Variants in APBA1 observed in about 807,000 individuals in gnomAD.
The protein encoded by APBA1 is amyloid beta precursor protein binding family A member 1.
APBA1 carries 55 observed loss-of-function variants against 86.6 expected under a neutral mutation model. That is an observed-to-expected ratio of 0.64 (90% CI 0.51 to 0.80). The LOEUF is 0.80. Among genes scored for constraint, APBA1 ranks in the 30% least tolerant of loss-of-function variants. The pLI is 0.00. For synonymous variants in APBA1, 511 were observed against 493.9 expected (o/e 1.03, Z -0.46); for missense variants, 1,090 against 1,183.0 (o/e 0.92, Z 1.15).
At chr9:69,451,008 G>C (rs1051854967) in intron 9 of APBA1, among the ~76,000 whole-genome samples, 1 of 152,182 alleles carries the variant, frequency 6.6e-6, no homozygotes, top group Non-Finnish European at 1.5e-5. Context: ...CAAGGTCTGT[G>C]AGACAATAGG....
intron 1 of APBA1, among the ~76,000 whole-genome samples, chr9:69,599,707 C>A (rs575815892): frequency 3.9e-5 from 6 of 152,282 alleles, no homozygotes; most frequent in African/African-American, 1.4e-4. Flanking sequence ...AGTGTGAATT[C>A]TCAGACACTA....
intron 1 of APBA1, among the ~76,000 whole-genome samples, chr9:69,636,890 A>AAG (rs1823180588): frequency 8.5e-5 from 2 of 23,538 alleles, no homozygotes; most frequent in African/African-American, 2.4e-4. Context: ...AAGGAAGGAA[A>AAG]GAAGGAAGGA....
At chr9:69,622,171 T>C (rs1431197196) in intron 1 of APBA1, among the ~76,000 whole-genome samples, 1 of 152,142 alleles carries the variant, frequency 6.6e-6, no homozygotes, top group Non-Finnish European at 1.5e-5. Context: ...ATGGATTAAA[T>C]CCATTCTCCT....
intron 1 of APBA1, among the ~76,000 whole-genome samples, chr9:69,542,778 G>A (rs2133919751): frequency 6.6e-6 from 1 of 152,322 alleles, no homozygotes; most frequent in South Asian, 2.1e-4. Flanking sequence ...GTGTCCAAGT[G>A]TGGGTGATAA....
intron 10 of APBA1, among the ~76,000 whole-genome samples, chr9:69,443,568 G>A (rs1198627803): frequency 6.6e-6 from 1 of 152,166 alleles, no homozygotes; most frequent in Non-Finnish European, 1.5e-5. Flanking sequence ...AACCCACCCT[G>A]ATGATGAAAC....
In APBA1 at chr9:69,645,146, G is replaced by C. The variant is rs150658987; in HGVS notation, c.-70+27007C>G. Reference sequence around the variant, plus strand: ...ACAGTTTAAGATCGATGTTGGAAGGGAAAGGAGATACTGAGAAATTAGTCG... The same window carrying C: ...ACAGTTTAAGATCGATGTTGGAAGGCAAAGGAGATACTGAGAAATTAGTCG... On this transcript the variant is annotated intron_variant, in intron 1 of 12. Transcript: ENST00000265381. Among the ~76,000 whole-genome samples the C allele has an allele frequency of 2.2e-3, 331 of 152,232 alleles. 1 individual carries two copies. The highest frequency in any genetic ancestry group is 7.5e-3 in the African/African-American group (310 of 41,536).
intron 2 of APBA1, among the ~76,000 whole-genome samples, chr9:69,495,607 G>T (rs139096274): frequency 1.1e-4 from 16 of 152,130 alleles, no homozygotes; most frequent in Middle Eastern, 3.4e-3. Flanking sequence ...GTCACTGCTG[G>T]GCATCAGCAG....
chr9:69,533,460 C>A (rs1295867175), intron 1 of APBA1, among the ~76,000 whole-genome samples: 1 of 152,076 alleles, frequency 6.6e-6, no homozygotes, highest in Non-Finnish European at 1.5e-5. Context: ...ATTTACCTTC[C>A]TGTCTTGCTG....
intron 8 of APBA1, 137 bp downstream of exon 8, chr9:69,456,110 C>T (rs1250884812): frequency 1.0e-6 from 1 of 984,836 alleles, no homozygotes; most frequent in African/African-American, 1.6e-5. Flanking sequence ...CCTTATATCT[C>T]TAGTGCTGGA....
At chr9:69,456,645 T>C (rs986750752) in intron 7 of APBA1, among the ~76,000 whole-genome samples, 1 of 150,372 alleles carries the variant, frequency 6.7e-6, no homozygotes, top group South Asian at 2.1e-4. Flanking sequence ...CTGTGGCAGG[T>C]GAAAAGAAAT....
intron 9 of APBA1, among the ~76,000 whole-genome samples, chr9:69,450,185 C>T (rs2133806997): frequency 6.6e-6 from 1 of 151,678 alleles, no homozygotes; most frequent in Non-Finnish European, 1.5e-5. Flanking sequence ...GCGCAGGTTC[C>T]CCCTCCCACA....
chr9:69,581,055 A>G lies in APBA1; in HGVS notation c.-69-63776T>C, dbSNP rs112610325. ...GGGACACAGATCAAAGATGGCCCCAATCAGAGATACCATGGATACACCCCA... is the reference window on the plus strand; with the variant it reads ...GGGACACAGATCAAAGATGGCCCCAGTCAGAGATACCATGGATACACCCCA... On this transcript the variant is annotated intron_variant, in intron 1 of 12. Coordinates refer to ENST00000265381, the MANE Select transcript of APBA1 (RefSeq NM_001163.4). 1.8e-3 allele frequency among the ~76,000 whole-genome samples: 278 copies of G among 152,242 alleles called. 1 individual carries two copies. Among genetic ancestry groups the G allele is most frequent in the South Asian group, 0.013 (61 of 4,808 alleles).
chr9:69,532,788 G>A (rs140177943), intron 1 of APBA1, among the ~76,000 whole-genome samples: 2 of 152,288 alleles, frequency 1.3e-5, no homozygotes, highest in Non-Finnish European at 2.9e-5. Context: ...AAGTAGTCAA[G>A]CTGTTTGCAG....
chr9:69,436,020 AT>A (rs1834711018), intron 11 of APBA1, among the ~76,000 whole-genome samples: 1 of 151,612 alleles, frequency 6.6e-6, no homozygotes, highest in South Asian at 2.1e-4. Context: ...TCCCAGCACC[AT>A]TTATTAAATA....
chr9:69,446,863 C>T (rs548084203), intron 10 of APBA1, among the ~76,000 whole-genome samples: 44 of 152,324 alleles, frequency 2.9e-4, no homozygotes, highest in African/African-American at 7.9e-4. Flanking sequence ...TCAGGAAGCG[C>T]GGCTTGTTCC....
chr9:69,431,159 AAAG>A lies in APBA1; in HGVS notation c.*165_*167del. The A allele has an allele frequency of 9.8e-6, 5 of 510,592 alleles. No individual in the cohort carries two copies. Among genetic ancestry groups the A allele is most frequent in the South Asian group, 3.6e-5 (1 of 27,946 alleles). 31.6% of individuals were successfully genotyped at this position (510,592 alleles called of 1,614,324 possible). On this transcript the variant is annotated 3_prime_UTR_variant, in exon 13 of 13. Transcript: ENST00000265381. ...TGGTATTGAAAAAAAAAAAAAAAAAAAAGCAAATCGGAGAGAGTAAAGAGGTCC... is the reference window on the plus strand; with the variant it reads ...TGGTATTGAAAAAAAAAAAAAAAAAACAAATCGGAGAGAGTAAAGAGGTCC...
intron 8 of APBA1, among the ~76,000 whole-genome samples, chr9:69,454,077 C>T (rs1192800208): frequency 2.6e-5 from 4 of 152,202 alleles, no homozygotes; most frequent in South Asian, 2.1e-4. Flanking sequence ...ATCTCTAGAG[C>T]GGTGTTTTAA....
chr9:69,498,326 A>G (rs2133868993), intron 2 of APBA1, among the ~76,000 whole-genome samples: 1 of 152,224 alleles, frequency 6.6e-6, no homozygotes, highest in Middle Eastern at 3.4e-3. Context: ...TGGGAAGCTG[A>G]GTCCTGCCCC....
rs990034068 is a variant in APBA1 at position 69,434,141 on chromosome 9, C to T, written c.2302-1465G>A. Among the ~76,000 whole-genome samples the T allele has an allele frequency of 7.0e-4, 106 of 152,186 alleles. 1 individual carries two copies. Among genetic ancestry groups the T allele is most frequent in the African/African-American group, 2.5e-3 (102 of 41,452 alleles). ...CCAATTGTGACTGTGGGAACTGAGC[C>T]GGCCCCTGCACTGTACAGCCCCAGG... On this transcript the variant is annotated intron_variant, in intron 11 of 12. Coordinates refer to ENST00000265381, the MANE Select transcript of APBA1 (RefSeq NM_001163.4).
Sources: allele counts gnomAD v4.1 joint callset (sites outside exome capture counted in the v4.1 genomes callset), GRCh38; gene constraint gnomAD v4.1.1; transcripts MANE v1.5; gene names NCBI Gene and HGNC (gene_info 2026-07-23, HGNC 2026-07-21).